PPP2R5C: variants seen among roughly 807,000 people sequenced by gnomAD.
PPP2R5C encodes the protein protein phosphatase 2 regulatory subunit B'gamma.
In PPP2R5C, 7 loss-of-function variants were observed where a neutral mutation model predicts 68.9. The ratio of observed to expected loss-of-function variants is 0.10; its 90% confidence interval spans 0.06 to 0.19. The LOEUF is 0.19. Ranked by LOEUF, PPP2R5C falls within the 10% of genes least tolerant of loss-of-function variation. The pLI, the probability that PPP2R5C is intolerant of heterozygous loss-of-function variation, is 1.00. For synonymous variants in PPP2R5C, 210 were observed against 222.2 expected, an observed-to-expected ratio of 0.95 and a Z score of 0.49; for missense variants, 348 against 641.3, an observed-to-expected ratio of 0.54 and a Z score of 4.94.
rs904994723 is a variant in PPP2R5C at position 101,903,965 on chromosome 14, C to T, written c.1023+2076C>T. On this transcript the variant is annotated intron_variant, in intron 9 of 13. Coordinates refer to ENST00000334743, the Ensembl canonical transcript of PPP2R5C. ...CTGAGATTACAGGCATAAGCCACCG[C>T]GCCAGCTCATTCTTAACTTTTAGAT... 1.5e-4 allele frequency among the ~76,000 whole-genome samples: 23 copies of T among 152,032 alleles called. 1 individual carries two copies. The Middle Eastern group carries it at 0.01, about 67-fold the overall frequency.
At position 101,849,328 on chromosome 14, in the gene PPP2R5C, G is replaced by A. The variant is rs1566904153; in HGVS notation, c.95-7358G>A. Among the ~76,000 whole-genome samples the A allele has an allele frequency of 4.6e-5, 7 of 152,206 alleles. No individual in the cohort carries two copies. The East Asian group carries it at 9.7e-4, about 21-fold the overall frequency. On this transcript the variant is annotated intron_variant, in intron 1 of 13. Coordinates refer to ENST00000334743, the Ensembl canonical transcript of PPP2R5C. ...AACACCACTGATAATGCACTGCCCC[G>A]CCCATGGGTGGTGTTCGGGCTCCAG...
intron 2 of PPP2R5C, among the ~76,000 whole-genome samples, chr14:101,870,163 T>C (rs755297836): frequency 2.0e-5 from 3 of 151,320 alleles, no homozygotes; most frequent in African/African-American, 7.3e-5. Context: ...TAGCTTGTCT[T>C]TTTTTTTGTT....
At chr14:101,815,365 G>A (rs1448175730) in intron 1 of PPP2R5C, among the ~76,000 whole-genome samples, 1 of 152,126 alleles carries the variant, frequency 6.6e-6, no homozygotes, top group Non-Finnish European at 1.5e-5. Context: ...ATGGATTTGA[G>A]TGTCTGGAGT....
At chr14:101,871,845 G>A (rs926407844) in intron 2 of PPP2R5C, among the ~76,000 whole-genome samples, 28 of 151,934 alleles carry the variant, frequency 1.8e-4, no homozygotes, top group Admixed American at 1.8e-3. Flanking sequence ...ACCTTCAAGC[G>A]ATAACATACT....
chr14:101,800,325 G>C (rs1190397322), intron 3 of PPP2R5C, among the ~76,000 whole-genome samples: 1 of 151,864 alleles, frequency 6.6e-6, no homozygotes, highest in Admixed American at 6.6e-5. Flanking sequence ...ACTTCGGGAG[G>C]CCGAGGCAGG....
chr14:101,916,495 C>T lies in PPP2R5C; in HGVS notation c.1327-1336C>T, dbSNP rs916138635. Among the ~76,000 whole-genome samples, 2 of 152,054 alleles carry T rather than the reference C, an allele frequency of 1.3e-5. No homozygotes were observed. Among genetic ancestry groups the T allele is most frequent in the Admixed American group, 6.5e-5 (1 of 15,272 alleles). ...GAGGAGAGGCTGGGGTCACAGAGAC[C>T]GAGGGAGGGTGCAGGTTCAGGGCTG... On this transcript the variant is annotated intron_variant, in intron 12 of 13. Coordinates refer to ENST00000334743, the Ensembl canonical transcript of PPP2R5C. This position sits in a 1 kb window ranked among gnomAD's most constrained non-coding sequence, Gnocchi z 5.5.
intron 2 of PPP2R5C, among the ~76,000 whole-genome samples, chr14:101,785,049 G>A (rs184869278): frequency 6.6e-6 from 1 of 152,186 alleles, no homozygotes; most frequent in Non-Finnish European, 1.5e-5. Context: ...AGCGTTGCAG[G>A]TTGGCTGCAG....
intron 2 of PPP2R5C, among the ~76,000 whole-genome samples, chr14:101,869,708 G>T (rs2043274703): frequency 6.6e-6 from 1 of 152,174 alleles, no homozygotes; most frequent in East Asian, 1.9e-4. Context: ...AGGCTGGAGT[G>T]CAGTGGCTCA....
At chr14:101,859,176 TCCTAAAGCTTTCATTTTCA>T (rs1221357875) in intron 2 of PPP2R5C, among the ~76,000 whole-genome samples, 4 of 152,348 alleles carry the variant, frequency 2.6e-5, no homozygotes, top group Admixed American at 2.0e-4. Flanking sequence ...ACTTCTGCCC[TCCTAAAGCTTTCATTTTCA>T]CCTAAAGCTT....
intron 3 of PPP2R5C, among the ~76,000 whole-genome samples, chr14:101,802,516 T>G (rs1204810499): frequency 6.6e-6 from 1 of 152,164 alleles, no homozygotes; most frequent in Non-Finnish European, 1.5e-5. Context: ...AGTAAAACTA[T>G]AATGTTTGAG....
At chr14:101,823,751 T>G in intron 1 of PPP2R5C, 2 of 1,080,562 alleles carry the variant, frequency 1.9e-6, no homozygotes, top group East Asian at 1.4e-4. Context: ...CTCACGGTTC[T>G]GGGCTCACCC....
At chr14:101,772,659 G>A (rs112932227) in intron 2 of PPP2R5C, among the ~76,000 whole-genome samples, 1,999 of 152,066 alleles carry the variant, frequency 0.013, 43 homozygotes, top group African/African-American at 0.045. Flanking sequence ...AGCCGAGTGT[G>A]GTGGCATGCA....
chr14:101,866,237 A>T (rs2043059994), intron 2 of PPP2R5C, among the ~76,000 whole-genome samples: 2 of 152,240 alleles, frequency 1.3e-5, no homozygotes, highest in Admixed American at 6.5e-5. Context: ...GAACTACTTC[A>T]TAGAGAGTTA....
chr14:101,831,295 ATTATGT>A (rs1391817400), intron 1 of PPP2R5C, among the ~76,000 whole-genome samples: 1 of 152,220 alleles, frequency 6.6e-6, no homozygotes, highest in Non-Finnish European at 1.5e-5. Flanking sequence ...TATATATGAC[ATTATGT>A]TTATTTTTGG....
At chr14:101,855,711 C>T (rs2042382445) in intron 1 of PPP2R5C, among the ~76,000 whole-genome samples, 1 of 152,140 alleles carries the variant, frequency 6.6e-6, no homozygotes, top group Non-Finnish European at 1.5e-5. Flanking sequence ...CCACTGATCT[C>T]CTCTTCAGCC....
chr14:101,880,109 A>G (rs529990935), intron 2 of PPP2R5C, among the ~76,000 whole-genome samples: 2 of 152,290 alleles, frequency 1.3e-5, no homozygotes, highest in African/African-American at 4.8e-5. Context: ...GCAGTGCCCT[A>G]TACACACACT....
chr14:101,788,733 T>A (rs2038233197), intron 3 of PPP2R5C, among the ~76,000 whole-genome samples: 2 of 152,330 alleles, frequency 1.3e-5, no homozygotes, highest in South Asian at 4.1e-4. Flanking sequence ...TTCTAAAACA[T>A]TAATGCCTCT....
At chr14:101,780,957 C>T (rs933664206) in intron 2 of PPP2R5C, among the ~76,000 whole-genome samples, 2 of 152,122 alleles carry the variant, frequency 1.3e-5, no homozygotes, top group East Asian at 1.9e-4. Context: ...TGATTTCAGG[C>T]GCTCACCCCA....
chr14:101,833,721 A>G (rs1432840205), intron 1 of PPP2R5C, among the ~76,000 whole-genome samples: 2 of 152,214 alleles, frequency 1.3e-5, no homozygotes, highest in Non-Finnish European at 1.5e-5. Context: ...TTCTCAAGGC[A>G]TTATGGTAAC....
Sources: gnomAD v4.1 joint callset for allele counts (sites outside exome capture counted in the v4.1 genomes callset) on GRCh38, gnomAD v4.1.1 for gene constraint, Gnocchi (gnomAD v3.1) non-coding constraint, MANE v1.5 for transcripts, NCBI Gene and HGNC (gene_info 2026-07-23, HGNC 2026-07-21) for gene names.